ABAT: variants seen among roughly 807,000 people sequenced by gnomAD.
The protein encoded by ABAT is 4-aminobutyrate aminotransferase, also known as 4-aminobutyrate aminotransferase, mitochondrial.
In ABAT, 45 loss-of-function variants were observed where a neutral mutation model predicts 64.6. The ratio of observed to expected loss-of-function variants is 0.70; its 90% CI spans 0.55 to 0.89. The LOEUF is 0.89. ABAT is among the 40% of genes least tolerant of loss of function. The pLI, the probability that ABAT is intolerant of heterozygous loss-of-function variation, is 0.00. For synonymous variants in ABAT, 297 were observed against 250.5 expected (o/e 1.19, Z -1.75); for missense variants, 633 against 658.4 (o/e 0.96, Z 0.42).
At chr16:8,677,551 T>G (rs1162703390) in intron 1 of ABAT, among the ~76,000 whole-genome samples, 2 of 152,184 alleles carry the variant, frequency 1.3e-5, no homozygotes, top group Non-Finnish European at 2.9e-5. Context: ...GTTCTCATTT[T>G]GGGCACTGTT....
intron 1 of ABAT, among the ~76,000 whole-genome samples, chr16:8,708,583 G>C (rs2058001918): frequency 6.6e-6 from 1 of 152,178 alleles, no homozygotes. Flanking sequence ...TTACAAGTGT[G>C]AGCCAGCGCA....
chr16:8,725,116 A>G (rs977562226), intron 1 of ABAT, among the ~76,000 whole-genome samples: 2 of 152,068 alleles, frequency 1.3e-5, no homozygotes, highest in Non-Finnish European at 1.5e-5. Flanking sequence ...GGGTTTCTCC[A>G]TGTTGGTCGG....
rs1328636067 is a variant in ABAT, at chr16:8,776,698, A to G, written c.1269+208A>G. On this transcript the variant is annotated intron_variant, in intron 14 of 15. Coordinates refer to ENST00000268251, the MANE Select transcript of ABAT (RefSeq NM_020686.6). This position sits in a 1 kb window ranked among gnomAD's most constrained non-coding sequence, Gnocchi z 4.4. ...ATCCCTCCATCCCATTCCAACCCCTATTCCTGAACTCCTGGTTTTCTTTGT... is the reference window on the plus strand; with the variant it reads ...ATCCCTCCATCCCATTCCAACCCCTGTTCCTGAACTCCTGGTTTTCTTTGT... Among the ~76,000 whole-genome samples the G allele has an allele frequency of 2.6e-5, 4 of 151,474 alleles. No homozygotes were observed. The highest frequency in any genetic ancestry group is 5.9e-5 in the Non-Finnish European group (4 of 67,854).
intron 11 of ABAT, among the ~76,000 whole-genome samples, chr16:8,771,431 T>A (rs2060103073): frequency 6.6e-6 from 1 of 151,768 alleles, no homozygotes; most frequent in Non-Finnish European, 1.5e-5. Context: ...CTTTCACTTG[T>A]TAGTCTATCT....
At chr16:8,748,904 T>G (rs1042776193) in intron 4 of ABAT, among the ~76,000 whole-genome samples, 1 of 152,208 alleles carries the variant, frequency 6.6e-6, no homozygotes, top group African/African-American at 2.4e-5. Flanking sequence ...ATTTGTGTTC[T>G]TGAATCTAAA....
chr16:8,748,329 C>T (rs1174693722), intron 4 of ABAT, among the ~76,000 whole-genome samples, 192 bp downstream of exon 4: 1 of 152,150 alleles, frequency 6.6e-6, no homozygotes, highest in Non-Finnish European at 1.5e-5. Flanking sequence ...AATTTCTACG[C>T]TTTGGTAAAT....
At chr16:8,690,092 T>G (rs982547176) in intron 1 of ABAT, among the ~76,000 whole-genome samples, 4 of 152,206 alleles carry the variant, frequency 2.6e-5, no homozygotes, top group African/African-American at 9.6e-5. Context: ...ACATCAGTTT[T>G]ATTAAGCTTC....
chr16:8,706,632 G>T (rs2057952160), intron 1 of ABAT, among the ~76,000 whole-genome samples: 1 of 152,100 alleles, frequency 6.6e-6, no homozygotes, highest in African/African-American at 2.4e-5. Context: ...AGAATCAATT[G>T]AACCTGGGAG....
intron 4 of ABAT, among the ~76,000 whole-genome samples, chr16:8,749,458 G>C (rs1203704880): frequency 7.8e-6 from 1 of 128,940 alleles, no homozygotes; most frequent in Non-Finnish European, 1.6e-5. Flanking sequence ...GTGTGCAGTG[G>C]CACAATCTCG....
intron 1 of ABAT, chr16:8,720,972 C>T (rs2058352633): frequency 6.6e-6 from 1 of 152,164 alleles, no homozygotes; most frequent in South Asian, 2.1e-4. Context: ...GCTTGTTGAG[C>T]ATTTACTGTT....
intron 12 of ABAT, among the ~76,000 whole-genome samples, chr16:8,774,304 A>G (rs2060205166): frequency 1.3e-5 from 2 of 152,136 alleles, no homozygotes; most frequent in Admixed American, 6.5e-5. Context: ...TATCTCGGCT[A>G]TTGTGAACAG....
At chr16:8,738,709 A>G (rs188813223) in intron 2 of ABAT, among the ~76,000 whole-genome samples, 284 of 147,306 alleles carry the variant, frequency 1.9e-3, no homozygotes, top group African/African-American at 6.9e-3. Context: ...CCGTGGTGCA[A>G]TCTCGACTCA....
intron 1 of ABAT, among the ~76,000 whole-genome samples, chr16:8,685,795 G>A (rs1284188770): frequency 6.6e-6 from 1 of 152,230 alleles, no homozygotes; most frequent in Non-Finnish European, 1.5e-5. Context: ...GCTGTAGGAA[G>A]AGTAGATCAT....
At chr16:8,757,290 C>T (rs569424353) in intron 5 of ABAT, 3 of 395,562 alleles carry the variant, frequency 7.6e-6, no homozygotes, top group Non-Finnish European at 1.5e-5. Flanking sequence ...GCCTCAGCCC[C>T]CCGAGTACCT....
At position 8,775,087 on chromosome 16, in the gene ABAT, C is replaced by G. The variant is rs369847150; in HGVS notation, c.1122+30C>G. 6.1e-5 allele frequency: 98 copies of G among 1,613,844 alleles called. No individual in the cohort carries two copies. The African/African-American group carries it at 1.2e-3, about 19-fold the overall frequency. ...GTTGGAGCCAACCTTCTCTCTACAT[C>G]CAGGGCAGAGAAGGGAGCATCCTCT... On this transcript the variant is annotated intron_variant, in intron 13 of 15. Transcript: ENST00000268251.
Position 8,734,261 on chromosome 16 carries a change from T to G in ABAT, c.-41-1438T>G, listed in dbSNP as rs558125893. ...ACTTCTCCCCATTATAATGATGCCC[T>G]TGTTTATGTTATGATTCATTTCATT... On this transcript the variant is annotated intron_variant, in intron 1 of 15. Transcript: ENST00000268251. Among the ~76,000 whole-genome samples the G allele has an allele frequency of 2.0e-5, 3 of 152,316 alleles. No individual in the cohort carries two copies. The East Asian group carries it at 5.8e-4, about 29-fold the overall frequency.
chr16:8,754,366 A>G (rs1287100551), intron 5 of ABAT, among the ~76,000 whole-genome samples: 2 of 151,954 alleles, frequency 1.3e-5, no homozygotes, highest in Non-Finnish European at 2.9e-5. Flanking sequence ...AACAAAGAAA[A>G]CAACAAAAAG....
At chr16:8,716,905 T>A (rs1187756790) in intron 1 of ABAT, among the ~76,000 whole-genome samples, 1 of 152,230 alleles carries the variant, frequency 6.6e-6, no homozygotes, top group East Asian at 1.9e-4. Flanking sequence ...GTGGCTATTC[T>A]AAACTGTGAT....
At chr16:8,730,381 G>T (rs927008973) in intron 1 of ABAT, among the ~76,000 whole-genome samples, 1 of 152,150 alleles carries the variant, frequency 6.6e-6, no homozygotes, top group Non-Finnish European at 1.5e-5. Flanking sequence ...GGCAGCCACA[G>T]CGTGCTGGAA....
Sources: allele counts gnomAD v4.1 joint callset (sites outside exome capture counted in the v4.1 genomes callset), GRCh38; gene constraint gnomAD v4.1.1; non-coding constraint Gnocchi (gnomAD v3.1); transcripts MANE v1.5; gene names NCBI Gene and HGNC (gene_info 2026-07-23, HGNC 2026-07-21).